Variants in MGLL observed in about 807,000 individuals in gnomAD.
MGLL encodes the protein lysophospholipase homolog.
In MGLL, 7 loss-of-function variants were observed where a neutral mutation model predicts 29.1. The ratio of observed to expected loss-of-function variants is 0.24; its 90% CI spans 0.14 to 0.45. The LOEUF (loss-of-function observed/expected upper bound fraction) is 0.45. Among genes scored for constraint, MGLL ranks in the 20% least tolerant of loss-of-function variants. The pLI is 0.99. For synonymous variants in MGLL, 148 were observed against 168.3 expected, an observed-to-expected ratio of 0.88 and a Z score of 0.93; for missense variants, 356 against 413.6, an observed-to-expected ratio of 0.86 and a Z score of 1.21.
chr3:127,707,410 A>G (rs2075624769), intron 6 of MGLL, among the ~76,000 whole-genome samples: 1 of 152,230 alleles, frequency 6.6e-6, no homozygotes, highest in Admixed American at 6.5e-5. Flanking sequence ...AAGGCTTCTC[A>G]GAGTAGGAAG....
chr3:127,757,013 T>C (rs970597855), intron 3 of MGLL, among the ~76,000 whole-genome samples: 6 of 152,268 alleles, frequency 3.9e-5, no homozygotes, highest in African/African-American at 1.4e-4. Flanking sequence ...TGTAAATAAA[T>C]GTTGGGCTTG....
chr3:127,737,407 T>A (rs2076259940), intron 3 of MGLL, among the ~76,000 whole-genome samples: 1 of 150,542 alleles, frequency 6.6e-6, no homozygotes, highest in African/African-American at 2.4e-5. Flanking sequence ...CAGAAGGTGC[T>A]GTGAGAATTA....
intron 3 of MGLL, among the ~76,000 whole-genome samples, chr3:127,753,053 T>C (rs2076588585): frequency 6.6e-6 from 1 of 152,166 alleles, no homozygotes; most frequent in South Asian, 2.1e-4. Context: ...GAACACCTGA[T>C]TCGTATGGAC....
At chr3:127,756,264 G>A (rs2076662607) in intron 3 of MGLL, among the ~76,000 whole-genome samples, 2 of 152,148 alleles carry the variant, frequency 1.3e-5, no homozygotes, top group African/African-American at 4.8e-5. Flanking sequence ...TTGGCATCTA[G>A]GGCCTTGCTG....
At chr3:127,746,427 G>A (rs775779678) in intron 3 of MGLL, among the ~76,000 whole-genome samples, 1 of 152,032 alleles carries the variant, frequency 6.6e-6, no homozygotes, top group Admixed American at 6.5e-5. Context: ...CATTCACCCT[G>A]CCACGATCTT....
chr3:127,692,131 A>G lies in MGLL; in HGVS notation c.*67T>C. The G allele has an allele frequency of 2.1e-6, 2 of 956,362 alleles. No individual in the cohort carries two copies. The highest frequency in any genetic ancestry group is 1.5e-6 in the Non-Finnish European group (1 of 646,196). 59.2% of individuals were successfully genotyped at this position (956,362 alleles called of 1,614,324 possible). ...TTTTTTTTTTGGCAAGCCATATCTG[A>G]GAAGCCATCTCTGCCCTTCCCCTGC... is the stretch of plus-strand genomic sequence containing the variant. On this transcript the variant is annotated 3_prime_UTR_variant, in exon 8 of 8. Transcript: ENST00000265052.
intron 3 of MGLL, among the ~76,000 whole-genome samples, chr3:127,773,005 AC>A (rs2076974392): frequency 6.6e-6 from 1 of 152,140 alleles, no homozygotes; most frequent in African/African-American, 2.4e-5. Flanking sequence ...TTTATCAGCC[AC>A]CCAGTCTAGA....
In MGLL at chr3:127,767,467, G is replaced by A. The variant is rs767106042; in HGVS notation, c.262+14322C>T. Among the ~76,000 whole-genome samples, 18 of 152,282 alleles carry A rather than the reference G, an allele frequency of 1.2e-4. No individual in the cohort carries two copies. In the South Asian group the frequency reaches 3.7e-3, roughly 32 times the overall value. On this transcript the variant is annotated intron_variant, in intron 3 of 7. Transcript: ENST00000265052. ...TCAAATAATTCAAAAACACATTTGG[G>A]GCTGGACCTTAGCTTGTGAGATTCT...
intron 3 of MGLL, among the ~76,000 whole-genome samples, chr3:127,748,679 AC>A (rs2076500118): frequency 1.3e-5 from 2 of 151,988 alleles, no homozygotes; most frequent in South Asian, 4.2e-4. Flanking sequence ...CTCAGAAGGA[AC>A]CAGCCCTAGC....
At chr3:127,768,817 A>G (rs2076900251) in intron 3 of MGLL, among the ~76,000 whole-genome samples, 1 of 152,160 alleles carries the variant, frequency 6.6e-6, no homozygotes, top group Non-Finnish European at 1.5e-5. Flanking sequence ...GTGATTCTAG[A>G]CTATAGTGTC....
At chr3:127,764,284 G>A (rs1308290010) in intron 3 of MGLL, among the ~76,000 whole-genome samples, 1 of 152,220 alleles carries the variant, frequency 6.6e-6, no homozygotes, top group East Asian at 1.9e-4. Flanking sequence ...GGGCAACTCT[G>A]TCTCATTTGG....
intron 3 of MGLL, 98 bp from the exon 4 acceptor site, chr3:127,722,664 C>T (rs1378768751): frequency 1.8e-5 from 27 of 1,524,402 alleles, no homozygotes; most frequent in South Asian, 6.8e-5. Flanking sequence ...CTCTCCTGAG[C>T]GCCTGAATGT....
chr3:127,692,366 G>A (rs2075264338), intron 7 of MGLL, 43 bp from the exon 8 acceptor site: 1 of 1,612,392 alleles, frequency 6.2e-7, no homozygotes, highest in Middle Eastern at 1.7e-4. Context: ...CACCATCAGA[G>A]GCAGGTGCAG....
chr3:127,821,805 C>G lies in MGLL; in HGVS notation c.44G>C (p.Ser15Thr). The change falls in exon 2 of 8, where the codon AGT becomes ACT. Residue 15 changes from serine (S) to threonine (T), a missense_variant. Transcript: ENST00000265052. Reference sequence around the variant, plus strand: ...GCTCTGCGGGGTCCGCCTGGGGGAACTTTCCTCTGGCATGCTGGAAGGGTC... The same window carrying G: ...GCTCTGCGGGGTCCGCCTGGGGGAAGTTTCCTCTGGCATGCTGGAAGGGTC... ...PEDPSSMPEE[S>T]SPRRTPQSIP... 5 of 1,614,126 alleles carry G rather than the reference C, an allele frequency of 3.1e-6. No individual in the cohort carries two copies. Among genetic ancestry groups the G allele is most frequent in the Non-Finnish European group, 4.2e-6 (5 of 1,180,004 alleles).
At position 127,807,750 on chromosome 3, in the gene MGLL, C is replaced by CTTTTTT. The variant is rs35444871; in HGVS notation, c.155+13938_155+13943dup. 2.5e-4 allele frequency among the ~76,000 whole-genome samples: 15 copies of CTTTTTT among 59,464 alleles called. 1 individual carries two copies. Among genetic ancestry groups the CTTTTTT allele is most frequent in the African/African-American group, 8.4e-4 (12 of 14,312 alleles). The allele number at this position is 59,464 out of a possible 152,430, so 39.0% of individuals were successfully genotyped here. A position where few individuals can be genotyped will look rare whatever the true frequency, so the allele number is the denominator to read the frequency against. On this transcript the variant is annotated intron_variant, in intron 2 of 7. Transcript: ENST00000265052. ...CTAATTTAGACATGCTGTGAAAAGTCTTTTTTTTTTTTTTTTTTTTTTTTT... is the reference window on the plus strand; with the variant it reads ...CTAATTTAGACATGCTGTGAAAAGTCTTTTTTTTTTTTTTTTTTTTTTTTTTTTTTT...
intron 3 of MGLL, among the ~76,000 whole-genome samples, chr3:127,735,030 G>A (rs61407827): frequency 0.11 from 16,517 of 152,286 alleles, 1,012 homozygotes; most frequent in African/African-American, 0.17. Flanking sequence ...CAACAGACCC[G>A]GAGGAGCCCG....
At chr3:127,782,295 C>T (rs567133579) in intron 2 of MGLL, among the ~76,000 whole-genome samples, 1 of 152,266 alleles carries the variant, frequency 6.6e-6, no homozygotes, top group African/African-American at 2.4e-5. Flanking sequence ...CTTACAAAAC[C>T]TCAGCAACAC....
At chr3:127,742,584 C>T (rs1213699881) in intron 3 of MGLL, among the ~76,000 whole-genome samples, 10 of 104,518 alleles carry the variant, frequency 9.6e-5, no homozygotes, top group East Asian at 2.7e-4. Context: ...AGCGAGACTC[C>T]GTCCCAAAAA....
At chr3:127,787,435 A>G (rs1441647043) in intron 2 of MGLL, among the ~76,000 whole-genome samples, 9 of 152,238 alleles carry the variant, frequency 5.9e-5, no homozygotes, top group Admixed American at 5.9e-4. Flanking sequence ...CAGAGGGGAA[A>G]ACGCTAGCCT....
Sources: gnomAD v4.1 joint callset for allele counts (sites outside exome capture counted in the v4.1 genomes callset) on GRCh38, gnomAD v4.1.1 for gene constraint, MANE v1.5 for transcripts, NCBI Gene and HGNC (gene_info 2026-07-23, HGNC 2026-07-21) for gene names.